The following EPC2 variants were observed in gnomAD, a reference collection of about 807,000 sequenced individuals.
The protein encoded by EPC2 is enhancer of polycomb 2.
Under a neutral mutation model 92.1 loss-of-function variants are expected in EPC2, and 14 were observed. The ratio of observed to expected loss-of-function variants is 0.15; its 90% confidence interval spans 0.10 to 0.24. EPC2 has a LOEUF of 0.24. EPC2 is among the 10% of genes least tolerant of loss of function. EPC2 has a pLI of 1.00. For missense variants in EPC2, 755 were observed against 971.5 expected, an observed-to-expected ratio of 0.78 and a Z score of 2.96; for synonymous variants, 340 against 334.7, an observed-to-expected ratio of 1.02 and a Z score of -0.17.
intron 10 of EPC2, among the ~76,000 whole-genome samples, chr2:148,778,244 G>T (rs1232373913): frequency 6.6e-6 from 1 of 152,098 alleles, no homozygotes; most frequent in Non-Finnish European, 1.5e-5. Flanking sequence ...AAAGAACTTG[G>T]CTTGGCCCTA....
At chr2:148,753,255 C>T (rs1209716635) in intron 3 of EPC2, among the ~76,000 whole-genome samples, 1 of 152,140 alleles carries the variant, frequency 6.6e-6, no homozygotes, top group Non-Finnish European at 1.5e-5. Flanking sequence ...AGGGAACCAT[C>T]CTAGGGCCAC....
chr2:148,756,864 A>C (rs2105418907), intron 4 of EPC2, among the ~76,000 whole-genome samples: 1 of 152,320 alleles, frequency 6.6e-6, no homozygotes, highest in East Asian at 1.9e-4. Flanking sequence ...AAAGATGTAC[A>C]GTTTATTCTA....
chr2:148,784,571 A>G, intron 12 of EPC2, 97 bp from the exon 13 acceptor site: 1 of 962,714 alleles, frequency 1.0e-6, no homozygotes, highest in Non-Finnish European at 1.5e-6. Context: ...TTGGCATTCA[A>G]TTCAAATACA....
intron 2 of EPC2, among the ~76,000 whole-genome samples, chr2:148,713,623 A>G (rs536090688): frequency 6.6e-6 from 1 of 152,224 alleles, no homozygotes; most frequent in East Asian, 1.9e-4. Flanking sequence ...TTGCCATCCT[A>G]TAAGCTATAT....
At chr2:148,706,027 A>G (rs1681991782) in intron 2 of EPC2, among the ~76,000 whole-genome samples, 1 of 152,234 alleles carries the variant, frequency 6.6e-6, no homozygotes, top group Admixed American at 6.5e-5. Context: ...AGTAGGCTTC[A>G]GAAAGTCGGT....
chr2:148,706,558 G>A (rs550636746), intron 2 of EPC2, among the ~76,000 whole-genome samples: 1 of 152,224 alleles, frequency 6.6e-6, no homozygotes, highest in South Asian at 2.1e-4. Flanking sequence ...GATTCACCAA[G>A]GTTGAAATGA....
At position 148,644,837 on chromosome 2, in the gene EPC2, C is replaced by G. The variant is rs367756009; in HGVS notation, c.-181C>G. The stretch of plus-strand genomic sequence containing the variant: ...TAGTGTGTGGAGGCGGCCGCGGGCG[C>G]GGGGGGCTGTTTTCGGGCGGGGTGG... On this transcript the variant is annotated 5_prime_UTR_variant, in exon 1 of 14. Coordinates refer to ENST00000258484, the MANE Select transcript of EPC2 (RefSeq NM_015630.4). 4 of 418,264 alleles carry G rather than the reference C, an allele frequency of 9.6e-6. No homozygotes were observed. Among genetic ancestry groups the G allele is most frequent in the Admixed American group, 6.0e-5 (1 of 16,620 alleles). 25.9% of individuals were successfully genotyped at this position (418,264 alleles called of 1,614,324 possible).
chr2:148,719,653 C>T (rs757171366), intron 2 of EPC2, among the ~76,000 whole-genome samples: 2 of 152,214 alleles, frequency 1.3e-5, no homozygotes, highest in Non-Finnish European at 2.9e-5. Context: ...CACCTGAACA[C>T]GCCTGTAGGG....
intron 3 of EPC2, among the ~76,000 whole-genome samples, chr2:148,744,992 C>A (rs1257617060): frequency 9.7e-6 from 1 of 103,430 alleles, no homozygotes; most frequent in African/African-American, 3.1e-5. Context: ...TCAGTTTGCC[C>A]CCCCCCCCCG....
intron 1 of EPC2, among the ~76,000 whole-genome samples, chr2:148,648,373 T>G (rs1056620399): frequency 6.6e-6 from 1 of 152,266 alleles, no homozygotes; most frequent in African/African-American, 2.4e-5. Flanking sequence ...TCTGCCTTGA[T>G]AAATATTTCT....
At chr2:148,766,583 A>G (rs1375774262) in intron 7 of EPC2, among the ~76,000 whole-genome samples, 1 of 152,184 alleles carries the variant, frequency 6.6e-6, no homozygotes, top group Non-Finnish European at 1.5e-5. Context: ...AGTGCCCTAC[A>G]AAAGAGTAAT....
chr2:148,645,156 AAGG>A lies in EPC2; in HGVS notation c.147_149del (p.Glu50del). On this transcript the variant is annotated inframe_deletion, in exon 1 of 14. Transcript: ENST00000258484. Reference sequence around the variant, plus strand: ...GCCCCAGATGCCCACCGGGATGGAGAAGGAGGAGGAATCGGTAGGGACTCGAGT... The same window carrying A: ...GCCCCAGATGCCCACCGGGATGGAGAAGGAGGAATCGGTAGGGACTCGAGT... 6.2e-7 allele frequency: 1 copy of A among 1,608,538 alleles called. No individual in the cohort carries two copies. Among genetic ancestry groups the A allele is most frequent in the Non-Finnish European group, 8.5e-7 (1 of 1,177,648 alleles).
intron 1 of EPC2, among the ~76,000 whole-genome samples, chr2:148,675,203 A>ATT (rs199704827): frequency 6.6e-6 from 1 of 150,894 alleles, no homozygotes; most frequent in Non-Finnish European, 1.5e-5. Flanking sequence ...TATTTCTGAG[A>ATT]TTTTTTTTTC....
chr2:148,725,544 T>G (rs1404852916), intron 2 of EPC2, among the ~76,000 whole-genome samples: 4 of 152,170 alleles, frequency 2.6e-5, no homozygotes, highest in Admixed American at 6.5e-5. Context: ...TCAGTTGTCA[T>G]TGATACAATA....
chr2:148,783,229 C>G (rs1464540479), intron 11 of EPC2, among the ~76,000 whole-genome samples: 1 of 152,182 alleles, frequency 6.6e-6, no homozygotes, highest in Non-Finnish European at 1.5e-5. Flanking sequence ...CAGGGTTAGG[C>G]CAAGATAGGT....
chr2:148,663,210 T>TATTATTATG (rs1680977709), intron 1 of EPC2, among the ~76,000 whole-genome samples: 1 of 145,936 alleles, frequency 6.9e-6, no homozygotes. Flanking sequence ...TTATTATTAT[T>TATTATTATG]ATTATTATTA....
chr2:148,663,779 G>C (rs1316490006), intron 1 of EPC2, among the ~76,000 whole-genome samples: 5 of 151,900 alleles, frequency 3.3e-5, no homozygotes, highest in Non-Finnish European at 7.4e-5. Flanking sequence ...GTATGAAACT[G>C]TTCCATCTCA....
chr2:148,696,572 G>C (rs1681747893), intron 2 of EPC2, among the ~76,000 whole-genome samples: 1 of 152,184 alleles, frequency 6.6e-6, no homozygotes, highest in Non-Finnish European at 1.5e-5. Flanking sequence ...GCCATGATGT[G>C]ATTACAAAAT....
intron 2 of EPC2, among the ~76,000 whole-genome samples, chr2:148,742,953 TCTTGA>T (rs1021543804): frequency 1.1e-4 from 17 of 152,288 alleles, no homozygotes; most frequent in South Asian, 8.3e-4. Flanking sequence ...TTGTTCTTTG[TCTTGA>T]CTTAAAGTTT....
Sources: allele counts gnomAD v4.1 joint callset (sites outside exome capture counted in the v4.1 genomes callset), GRCh38; gene constraint gnomAD v4.1.1; transcripts MANE v1.5; gene names NCBI Gene and HGNC (gene_info 2026-07-23, HGNC 2026-07-21).